NVL: variants seen among roughly 807,000 people sequenced by gnomAD.
The protein encoded by NVL is nuclear VCP like.
NVL carries 84 observed loss-of-function variants against 110.2 expected under a neutral mutation model. The ratio of observed to expected loss-of-function variants is 0.76; its 90% confidence interval spans 0.64 to 0.91. NVL has a LOEUF of 0.91. NVL is among the 40% of genes least tolerant of loss of function. The pLI, the probability that NVL is intolerant of heterozygous loss-of-function variation, is 0.00. For synonymous variants in NVL, 354 were observed against 361.1 expected (o/e 0.98, Z 0.22); for missense variants, 882 against 1,035.9 (o/e 0.85, Z 2.04).
At chr1:224,326,787 T>C (rs1671187456) in intron 1 of NVL, among the ~76,000 whole-genome samples, 1 of 152,174 alleles carries the variant, frequency 6.6e-6, no homozygotes. Flanking sequence ...GGAGGGGATA[T>C]TTTAAACTTC....
At chr1:224,275,579 C>G in intron 16 of NVL, 121 bp from the exon 17 acceptor site, 1 of 1,240,680 alleles carries the variant, frequency 8.1e-7, no homozygotes, top group Non-Finnish European at 1.1e-6. Context: ...CAGAAAGTAT[C>G]AGAATGAACC....
At position 224,231,302 on chromosome 1, in the gene NVL, G is replaced by C; in HGVS notation, c.2456-6C>G. The C allele has an allele frequency of 6.2e-7, 1 of 1,608,552 alleles. No individual in the cohort carries two copies. The highest frequency in any genetic ancestry group is 1.1e-5 in the South Asian group (1 of 90,984). On this transcript the variant is annotated splice_region_variant and splice_polypyrimidine_tract_variant and intron_variant, in intron 21 of 22. Transcript: ENST00000281701. ...ATGACTAACCTTGAGTTCACCTATGGAGTAAATGCACAAATATACACATCT... is the reference window on the plus strand; with the variant it reads ...ATGACTAACCTTGAGTTCACCTATGCAGTAAATGCACAAATATACACATCT...
chr1:224,319,019 G>A (rs1349138147), intron 2 of NVL, among the ~76,000 whole-genome samples: 2 of 148,988 alleles, frequency 1.3e-5, no homozygotes, highest in African/African-American at 4.9e-5. Flanking sequence ...GCTGGGTGTG[G>A]TGGTGCACAC....
Position 224,268,092 on chromosome 1 carries a change from C to T in NVL, c.2124G>A (p.Glu708=). 1 of 1,614,078 alleles carries T rather than the reference C, an allele frequency of 6.2e-7. No homozygotes were observed. ...SVRVVNQLLT[E]MDGLEARQQV... ...GCTGGCGTGCTTCCAGACCATCCAT[C>T]TCTGTAAGTAGCTGATTCACCACTC... Residue 708 remains glutamate, a synonymous_variant, in exon 18 of 23, where the codon GAG becomes GAA. Coordinates refer to ENST00000281701, the MANE Select transcript of NVL (RefSeq NM_002533.4).
At chr1:224,256,926 C>T (rs10799556) in intron 18 of NVL, 430,587 of 442,932 alleles carry the variant, frequency 0.97, 210,274 homozygotes, top group East Asian at 1. Context: ...ATTCAGATTC[C>T]TTCTACATCC....
intron 4 of NVL, among the ~76,000 whole-genome samples, chr1:224,315,057 C>CT (rs71168402): frequency 2.1e-5 from 3 of 143,406 alleles, no homozygotes; most frequent in Admixed American, 7.0e-5. Context: ...AACTCTGTTT[C>CT]TTTTTTTTTT....
intron 18 of NVL, among the ~76,000 whole-genome samples, chr1:224,261,929 C>G (rs1664033002): frequency 6.6e-6 from 1 of 151,946 alleles, no homozygotes; most frequent in Non-Finnish European, 1.5e-5. Context: ...CTACTGCACT[C>G]TAGCCTAGGC....
chr1:224,312,320 G>T (rs192254176), intron 4 of NVL, among the ~76,000 whole-genome samples: 74 of 152,230 alleles, frequency 4.9e-4, no homozygotes, highest in African/African-American at 1.7e-3. Context: ...AAGTCAACAT[G>T]ACCAAAGCAT....
At chr1:224,327,610 A>G (rs1193310228) in intron 1 of NVL, among the ~76,000 whole-genome samples, 1 of 152,012 alleles carries the variant, frequency 6.6e-6, no homozygotes, top group Non-Finnish European at 1.5e-5. Context: ...GTATATGCAA[A>G]CATTCCAAAA....
At chr1:224,322,522 T>C (rs1218715075) in intron 2 of NVL, among the ~76,000 whole-genome samples, 1 of 152,216 alleles carries the variant, frequency 6.6e-6, no homozygotes, top group African/African-American at 2.4e-5. Context: ...ATACAGATTT[T>C]GGTATTGATA....
intron 10 of NVL, chr1:224,298,325 G>A (rs574849909): frequency 2.6e-5 from 6 of 231,500 alleles, no homozygotes; most frequent in Admixed American, 2.0e-4. Flanking sequence ...AGTCTATAAC[G>A]TTATCCAGCA....
At chr1:224,313,682 C>T (rs574531574) in intron 4 of NVL, among the ~76,000 whole-genome samples, 1 of 152,236 alleles carries the variant, frequency 6.6e-6, no homozygotes, top group African/African-American at 2.4e-5. Context: ...AAAAAACTAA[C>T]CTCAATAATT....
At chr1:224,248,162 T>C (rs1479384088) in intron 19 of NVL, among the ~76,000 whole-genome samples, 1 of 152,224 alleles carries the variant, frequency 6.6e-6, no homozygotes, top group African/African-American at 2.4e-5. Context: ...TCCTGGTAGA[T>C]GCCACCAGCT....
chr1:224,322,679 C>T (rs1038925510), intron 2 of NVL, among the ~76,000 whole-genome samples: 9 of 152,094 alleles, frequency 5.9e-5, no homozygotes, highest in Admixed American at 2.0e-4. Flanking sequence ...CACCGCAGGG[C>T]GTGGTGGCTC....
At chr1:224,231,168 T>A in intron 22 of NVL, 58 bp downstream of exon 22, 1 of 1,129,478 alleles carries the variant, frequency 8.9e-7, no homozygotes, top group African/African-American at 1.5e-5. Flanking sequence ...CATGAGGTCA[T>A]ATCTACTGGT....
intron 1 of NVL, among the ~76,000 whole-genome samples, chr1:224,328,828 T>C (rs1671404434): frequency 6.6e-6 from 1 of 152,106 alleles, no homozygotes; most frequent in East Asian, 1.9e-4. Flanking sequence ...CCATTTTAAT[T>C]TGGAGATATG....
At chr1:224,328,356 C>T (rs1026014014) in intron 1 of NVL, among the ~76,000 whole-genome samples, 1 of 151,564 alleles carries the variant, frequency 6.6e-6, no homozygotes, top group African/African-American at 2.4e-5. Flanking sequence ...CCCATCCCTA[C>T]TAAAAATACA....
Position 224,311,791 on chromosome 1 carries a change from T to C in NVL, c.342+9A>G. On this transcript the variant is annotated intron_variant, in intron 5 of 22. Coordinates refer to ENST00000281701, the MANE Select transcript of NVL (RefSeq NM_002533.4). ...AAATCTAAGTGGACCCACTAAATGT[T>C]TGGCTTACCTGTGGATCTGGGTAGT... The C allele has an allele frequency of 6.2e-7, 1 of 1,610,866 alleles. No homozygotes were observed. The highest frequency in any genetic ancestry group is 8.5e-7 in the Non-Finnish European group (1 of 1,177,168).
chr1:224,290,845 C>A (rs1331559082), intron 12 of NVL, among the ~76,000 whole-genome samples: 1 of 151,606 alleles, frequency 6.6e-6, no homozygotes, highest in African/African-American at 2.4e-5. Flanking sequence ...GGGCGGGTAC[C>A]TGTAATCCTA....
Sources: allele counts gnomAD v4.1 joint callset (sites outside exome capture counted in the v4.1 genomes callset), GRCh38; gene constraint gnomAD v4.1.1; transcripts MANE v1.5; gene names NCBI Gene and HGNC (gene_info 2026-07-23, HGNC 2026-07-21).